Variants in MYO16 observed in about 807,000 individuals in gnomAD.
MYO16 encodes myosin XVI, also known as unconventional myosin-XVI.
A neutral mutation model predicts 205.3 loss-of-function variants in MYO16; 94 were observed. That is an observed-to-expected ratio of 0.46 (90% CI 0.39 to 0.54). The LOEUF is 0.54. Among genes scored for constraint, MYO16 ranks in the 20% least tolerant of loss-of-function variants. The pLI is 0.00. For synonymous variants in MYO16, 988 were observed against 954.0 expected (o/e 1.04, Z -0.66); for missense variants, 2,315 against 2,387.5 (o/e 0.97, Z 0.63).
intron 7 of MYO16, among the ~76,000 whole-genome samples, chr13:108,811,291 T>C (rs1353120724): frequency 2.6e-5 from 4 of 152,192 alleles, no homozygotes; most frequent in African/African-American, 9.6e-5. Flanking sequence ...ATTTATTTCT[T>C]CTTTGCTTTG....
intron 22 of MYO16, among the ~76,000 whole-genome samples, chr13:109,019,499 T>A (rs931497930): frequency 3.9e-5 from 6 of 152,224 alleles, no homozygotes; most frequent in African/African-American, 7.2e-5. Flanking sequence ...TATTTGTTCA[T>A]TAATTTGATA....
chr13:108,506,061 C>CA, the MYO16 span, among the ~76,000 whole-genome samples: 1 of 152,082 alleles, frequency 6.6e-6, no homozygotes, highest in South Asian at 2.1e-4. Context: ...TTGACTACTG[C>CA]AGCTTTTAAC....
the MYO16 span, among the ~76,000 whole-genome samples, chr13:108,558,906 T>C: frequency 2.0e-5 from 3 of 152,160 alleles, no homozygotes; most frequent in Admixed American, 1.3e-4. Flanking sequence ...CATTCGCTCA[T>C]GTATTGGTGA....
chr13:108,925,429 G>A (rs1470266994), intron 16 of MYO16, among the ~76,000 whole-genome samples: 1 of 152,144 alleles, frequency 6.6e-6, no homozygotes, highest in African/African-American at 2.4e-5. Context: ...TTAAATTATT[G>A]ACGGTGGGGC....
At chr13:109,001,274 A>T (rs1396869821) in intron 21 of MYO16, among the ~76,000 whole-genome samples, 2 of 151,998 alleles carry the variant, frequency 1.3e-5, no homozygotes, top group African/African-American at 4.8e-5. Flanking sequence ...AGCCTGGGCC[A>T]GGTGGTAGCT....
At chr13:108,589,929 T>C in the MYO16 span, among the ~76,000 whole-genome samples, 1 of 152,336 alleles carries the variant, frequency 6.6e-6, no homozygotes, top group East Asian at 1.9e-4. Context: ...TCTGATTAAC[T>C]TTCCTGGCTC....
At chr13:108,923,880 C>A (rs1383625276) in intron 16 of MYO16, among the ~76,000 whole-genome samples, 2 of 152,076 alleles carry the variant, frequency 1.3e-5, no homozygotes, top group Admixed American at 1.3e-4. Context: ...GCATTTTTTC[C>A]CAGCCAGCAT....
intron 20 of MYO16, among the ~76,000 whole-genome samples, chr13:108,973,560 C>T (rs1594438652): frequency 1.3e-5 from 2 of 152,108 alleles, no homozygotes; most frequent in Admixed American, 1.3e-4. Flanking sequence ...CAACGTTGCC[C>T]CTGTGTCCCC....
intron 6 of MYO16, among the ~76,000 whole-genome samples, chr13:108,796,033 G>T (rs566916482): frequency 9.4e-4 from 143 of 152,318 alleles, no homozygotes; most frequent in African/African-American, 3.2e-3. Flanking sequence ...AGTGTGGTGT[G>T]CTTGGGAAAC....
chr13:109,187,925 T>A (rs1381117902), intron 34 of MYO16, among the ~76,000 whole-genome samples: 3 of 152,220 alleles, frequency 2.0e-5, no homozygotes, highest in Admixed American at 2.0e-4. Context: ...TCATTTTTCA[T>A]CTATTCCTGA....
At chr13:108,912,823 CTA>C (rs1396071326) in intron 16 of MYO16, among the ~76,000 whole-genome samples, 1 of 151,900 alleles carries the variant, frequency 6.6e-6, no homozygotes, top group Non-Finnish European at 1.5e-5. Context: ...GCATCTGTGT[CTA>C]TGTGTGTGTG....
chr13:108,953,701 G>A (rs1470833129), intron 16 of MYO16, among the ~76,000 whole-genome samples: 1 of 151,490 alleles, frequency 6.6e-6, no homozygotes, highest in Non-Finnish European at 1.5e-5. Context: ...TGATGTCAAA[G>A]GGAAAATTAG....
intron 32 of MYO16, among the ~76,000 whole-genome samples, chr13:109,163,013 T>G (rs1446247384): frequency 2.0e-5 from 3 of 152,230 alleles, no homozygotes; most frequent in African/African-American, 7.2e-5. Context: ...AGGTCTTTGT[T>G]TTTTATGTAT....
intron 4 of MYO16, among the ~76,000 whole-genome samples, chr13:108,751,089 A>G (rs1025890698): frequency 6.6e-6 from 1 of 152,048 alleles, no homozygotes; most frequent in Non-Finnish European, 1.5e-5. Context: ...ACACACACAT[A>G]CATTTCCCTC....
chr13:108,879,081 T>C (rs539707843), intron 12 of MYO16, among the ~76,000 whole-genome samples: 11 of 152,306 alleles, frequency 7.2e-5, no homozygotes, highest in African/African-American at 2.6e-4. Flanking sequence ...GGTACTCAGC[T>C]CCAGAACATT....
chr13:108,518,725 A>T, the MYO16 span, among the ~76,000 whole-genome samples: 4 of 152,138 alleles, frequency 2.6e-5, no homozygotes, highest in African/African-American at 4.8e-5. Context: ...ACAGATATTT[A>T]AAAAAAATGT....
intron 27 of MYO16, among the ~76,000 whole-genome samples, chr13:109,091,352 C>A (rs1347916382): frequency 1.3e-5 from 2 of 152,220 alleles, no homozygotes; most frequent in Non-Finnish European, 2.9e-5. Flanking sequence ...TGTATTTCTA[C>A]AAATGTTGCT....
the MYO16 span, among the ~76,000 whole-genome samples, chr13:108,520,162 G>A: frequency 7.2e-5 from 11 of 151,768 alleles, no homozygotes; most frequent in East Asian, 9.7e-4. Context: ...TGTGACCTGG[G>A]CAAGTCATTT....
intron 28 of MYO16, among the ~76,000 whole-genome samples, chr13:109,112,388 G>A (rs1297278076): frequency 6.6e-6 from 1 of 152,080 alleles, no homozygotes. Flanking sequence ...CAGCATCTTT[G>A]TTTCTTTAAT....
Sources: allele counts gnomAD v4.1 joint callset (sites outside exome capture counted in the v4.1 genomes callset), GRCh38; gene constraint gnomAD v4.1.1; transcripts MANE v1.5; gene names NCBI Gene and HGNC (gene_info 2026-07-23, HGNC 2026-07-21).